Variants in SPEF2 observed in about 807,000 individuals in gnomAD.
The protein encoded by SPEF2 is sperm flagellar and cilia associated 2.
In SPEF2, 187 loss-of-function variants were observed where a neutral mutation model predicts 224.6. The ratio of observed to expected loss-of-function variants is 0.83; its 90% confidence interval spans 0.74 to 0.94. The LOEUF (loss-of-function observed/expected upper bound fraction) is 0.94. Among genes scored for constraint, SPEF2 ranks in the 40% least tolerant of loss-of-function variants. The probability of loss-of-function intolerance (pLI) is 0.00; values close to 1 mark genes in which losing one functional copy is unlikely to be tolerated. For missense variants in SPEF2, 2,170 were observed against 2,135.6 expected (o/e 1.02, Z -0.32); for synonymous variants, 715 against 707.3 (o/e 1.01, Z -0.17).
chr5:35,695,258 ACTT>A (rs1277046764), intron 13 of SPEF2, among the ~76,000 whole-genome samples: 1 of 136,908 alleles, frequency 7.3e-6, no homozygotes, highest in Non-Finnish European at 1.5e-5. Context: ...AACTCTTAAA[ACTT>A]CTGGTTTTTT....
chr5:35,761,888 G>T (rs1751335126), intron 25 of SPEF2, among the ~76,000 whole-genome samples: 1 of 152,130 alleles, frequency 6.6e-6, no homozygotes, highest in Non-Finnish European at 1.5e-5. Context: ...CTCTGCACCA[G>T]TCTCAGCCTC....
At chr5:35,790,132 GT>G (rs781575558) in intron 30 of SPEF2, 1 of 702,934 alleles carries the variant, frequency 1.4e-6, no homozygotes, top group Non-Finnish European at 2.6e-6. Context: ...CTTCCTGCAA[GT>G]TCAGCTGAAG....
At chr5:35,808,908 C>A (rs1239539185) in intron 36 of SPEF2, among the ~76,000 whole-genome samples, 3 of 141,782 alleles carry the variant, frequency 2.1e-5, no homozygotes, top group South Asian at 2.3e-4. Context: ...ATAAAACAAG[C>A]TAGCAGCTGT....
chr5:35,738,224 C>T (rs969135973), intron 21 of SPEF2, among the ~76,000 whole-genome samples: 2 of 152,052 alleles, frequency 1.3e-5, no homozygotes, highest in Admixed American at 6.6e-5. Context: ...TTAATTAGAT[C>T]CCAATTGTCA....
intron 30 of SPEF2, among the ~76,000 whole-genome samples, chr5:35,779,981 G>A (rs1479705756): frequency 2.6e-5 from 4 of 151,964 alleles, no homozygotes; most frequent in Non-Finnish European, 4.4e-5. Flanking sequence ...GAGTTCTGTC[G>A]ATTGATAGCA....
chr5:35,742,979 T>C lies in SPEF2; in HGVS notation c.3330+2712T>C, dbSNP rs562457923. Among the ~76,000 whole-genome samples, 4 of 151,888 alleles carry C rather than the reference T, an allele frequency of 2.6e-5. No individual in the cohort carries two copies. The East Asian group carries it at 7.7e-4, about 29-fold the overall frequency. Reference sequence around the variant, plus strand: ...TAGTTCTTTATTTTACTTTTAAATATTTAAAGTATTATGTTACTTCAATAG... The same window carrying C: ...TAGTTCTTTATTTTACTTTTAAATACTTAAAGTATTATGTTACTTCAATAG... On this transcript the variant is annotated intron_variant, in intron 23 of 36. Coordinates refer to ENST00000356031, the MANE Select transcript of SPEF2 (RefSeq NM_024867.4).
At chr5:35,808,107 C>T (rs1276985669) in intron 36 of SPEF2, 1 of 1,002,752 alleles carries the variant, frequency 1.0e-6, no homozygotes, top group African/African-American at 1.7e-5. Flanking sequence ...CTTCCTATAC[C>T]CACAAATGAA....
intron 9 of SPEF2, among the ~76,000 whole-genome samples, 193 bp downstream of exon 9, chr5:35,667,452 T>C (rs1454851523): frequency 6.6e-6 from 1 of 152,156 alleles, no homozygotes; most frequent in Non-Finnish European, 1.5e-5. Context: ...GATGCATATA[T>C]GCCTTTTTCC....
chr5:35,709,588 A>C lies in SPEF2; in HGVS notation c.2839+467A>C, dbSNP rs1740690282. On this transcript the variant is annotated intron_variant, in intron 19 of 36. Transcript: ENST00000356031. ...AATTTATATGTAATTGTAAATCTTCAGGACTATGTGATTATAAAAGTATAG... is the reference window on the plus strand; with the variant it reads ...AATTTATATGTAATTGTAAATCTTCCGGACTATGTGATTATAAAAGTATAG... 12 of 986,220 alleles carry C rather than the reference A, an allele frequency of 1.2e-5. No homozygotes were observed. The South Asian group carries it at 4.2e-4, about 35-fold the overall frequency. The allele number at this position is 986,220 out of a possible 1,614,324, so 61.1% of individuals were successfully genotyped here.
At chr5:35,653,673 G>A (rs551405546) in intron 6 of SPEF2, among the ~76,000 whole-genome samples, 33 of 152,202 alleles carry the variant, frequency 2.2e-4, no homozygotes, top group South Asian at 8.3e-4. Flanking sequence ...AAGGCCGGGC[G>A]CAGTGACTCA....
intron 16 of SPEF2, chr5:35,702,356 C>T (rs1275308915): frequency 2.2e-6 from 1 of 455,246 alleles, no homozygotes; most frequent in Admixed American, 2.4e-5. Flanking sequence ...GGGCAGGAGA[C>T]TGGGGGATGT....
chr5:35,779,394 TAACCAGGACAGAAATCACTTGCCAAC>T (rs1754021436), intron 30 of SPEF2, 48 bp downstream of exon 30: 2 of 1,432,354 alleles, frequency 1.4e-6, no homozygotes, highest in Non-Finnish European at 1.9e-6. Context: ...AGGTTAAGAT[TAACCAGGACAGAAATCACTTGCCAAC>T]AAGTAAAATC....
In SPEF2 at chr5:35,700,651, C is replaced by T. The variant is rs754396158; in HGVS notation, c.2297C>T (p.Ala766Val). 75 of 1,613,846 alleles carry T rather than the reference C, an allele frequency of 4.6e-5. 1 individual carries two copies. In the East Asian group the frequency reaches 1.2e-3, roughly 27 times the overall value. The change falls in exon 16 of 37, where the codon GCG becomes GTG. Residue 766 changes from alanine (A) to valine (V), a missense_variant. Physicochemically the swap from Ala to Val is moderately conservative, Grantham distance 64 (BLOSUM62 0). Transcript: ENST00000356031. ...AAATCCACATTGGCTATTGATCCTGCGACTTCCAAAGAAATACCTCTTCCC... is the reference window on the plus strand; with the variant it reads ...AAATCCACATTGGCTATTGATCCTGTGACTTCCAAAGAAATACCTCTTCCC... ...AQKSTLAIDP[A>V]TSKEIPLPSP...
intron 20 of SPEF2, among the ~76,000 whole-genome samples, chr5:35,720,813 T>C (rs1270427452): frequency 6.6e-6 from 1 of 152,182 alleles, no homozygotes; most frequent in Admixed American, 6.5e-5. Flanking sequence ...TTACCTCTCT[T>C]TTCTGGACAC....
intron 24 of SPEF2, among the ~76,000 whole-genome samples, chr5:35,755,618 T>C (rs1750321302): frequency 6.6e-6 from 1 of 152,196 alleles, no homozygotes; most frequent in Non-Finnish European, 1.5e-5. Flanking sequence ...GTAGAATATA[T>C]TAAAACTTCA....
intron 21 of SPEF2, among the ~76,000 whole-genome samples, chr5:35,732,729 A>G (rs1339746071): frequency 6.6e-6 from 1 of 152,230 alleles, no homozygotes; most frequent in Non-Finnish European, 1.5e-5. Context: ...TGCAATTGCC[A>G]TGTCCAAGGA....
chr5:35,806,442 A>G (rs924387523), intron 34 of SPEF2, among the ~76,000 whole-genome samples: 1 of 152,242 alleles, frequency 6.6e-6, no homozygotes, highest in African/African-American at 2.4e-5. Flanking sequence ...CTGGCAGGGT[A>G]GTCAGCCCAA....
chr5:35,787,799 G>T (rs1755373601), intron 30 of SPEF2: 1 of 547,360 alleles, frequency 1.8e-6, no homozygotes, highest in Admixed American at 3.3e-5. Context: ...GTAGGGGTCA[G>T]AGATTAAGCA....
chr5:35,787,859 T>C (rs1279771109), intron 30 of SPEF2: 1 of 558,522 alleles, frequency 1.8e-6, no homozygotes, highest in East Asian at 2.8e-5. Context: ...GTGGAGTTAT[T>C]TTAAAGGCAG....
Sources: gnomAD v4.1 joint callset for allele counts (sites outside exome capture counted in the v4.1 genomes callset) on GRCh38, gnomAD v4.1.1 for gene constraint, MANE v1.5 for transcripts, NCBI Gene and HGNC (gene_info 2026-07-23, HGNC 2026-07-21) for gene names.